The following CRIPT variants were observed in gnomAD, a reference collection of about 807,000 sequenced individuals.
CRIPT encodes cysteine-rich PDZ-binding protein.
A neutral mutation model predicts 16.6 loss-of-function variants in CRIPT; 20 were observed. The observed-to-expected ratio is 1.20, with a 90% CI of 0.85 to 1.75. CRIPT has a LOEUF of 1.75. CRIPT is among the 40% of genes most tolerant of loss of function. CRIPT has a pLI of 0.00. For synonymous variants in CRIPT, 42 were observed against 37.0 expected (o/e 1.14, Z -0.49); for missense variants, 133 against 115.3 (o/e 1.15, Z -0.70).
At chr2:46,617,363 A>T in intron 1 of CRIPT, 65 bp downstream of exon 1, 1 of 1,519,480 alleles carries the variant, frequency 6.6e-7, no homozygotes, top group Admixed American at 2.1e-5. Flanking sequence ...CTCTCCCGGG[A>T]ACTTTGCTTT....
In CRIPT at chr2:46,624,332, G is replaced by A. The variant is rs1670883245; in HGVS notation, c.*105G>A. Reference sequence around the variant, plus strand: ...GAATAACATGTTTTAAGATAATTAAGTTTAAACCAGAGAATTTGATTGTTA... The same window carrying A: ...GAATAACATGTTTTAAGATAATTAAATTTAAACCAGAGAATTTGATTGTTA... On this transcript the variant is annotated 3_prime_UTR_variant, in exon 5 of 5. Coordinates refer to ENST00000238892, the MANE Select transcript of CRIPT (RefSeq NM_014171.6). 1 of 648,784 alleles carries A rather than the reference G, an allele frequency of 1.5e-6. No individual in the cohort carries two copies. The highest frequency in any genetic ancestry group is 2.4e-6 in the Non-Finnish European group (1 of 417,508). The allele number at this position is 648,784 out of a possible 1,614,324, so 40.2% of individuals were successfully genotyped here.
intron 3 of CRIPT, among the ~76,000 whole-genome samples, chr2:46,620,572 C>T (rs1670776702): frequency 6.6e-6 from 1 of 151,884 alleles, no homozygotes; most frequent in Admixed American, 6.6e-5. Flanking sequence ...TTCCCTCCTT[C>T]AGCCACTCTA....
Position 46,629,199 on chromosome 2 carries a change from C to T in CRIPT, c.*4972C>T, listed in dbSNP as rs1350787388. Among the ~76,000 whole-genome samples the T allele has an allele frequency of 6.6e-6, 1 of 152,166 alleles. No individual in the cohort carries two copies. ...AGGGTAGAGACTTAACTCTTTACATCCTTATGGCAGCCTTCGAATACCTTT... is the reference window on the plus strand; with the variant it reads ...AGGGTAGAGACTTAACTCTTTACATTCTTATGGCAGCCTTCGAATACCTTT... On this transcript the variant is annotated 3_prime_UTR_variant, in exon 5 of 5. Coordinates refer to ENST00000238892, the MANE Select transcript of CRIPT (RefSeq NM_014171.6).
In CRIPT at chr2:46,623,854, T is replaced by C. The variant is rs1572796205; in HGVS notation, c.228T>C (p.Cys76=). 1 of 1,602,184 alleles carries C rather than the reference T, an allele frequency of 6.2e-7. No homozygotes were observed. The highest frequency in any genetic ancestry group is 1.3e-5 in the African/African-American group (1 of 74,338). The change falls in exon 4 of 5, where the codon TGT becomes TGC. Residue 76 remains cysteine, a synonymous_variant. Coordinates refer to ENST00000238892, the MANE Select transcript of CRIPT (RefSeq NM_014171.6). ...CAGGTTCTCATTACTGCCAGGGCTG[T>C]GCCTACAAAAAAGGTAAGTTTCTTT... ...HQPGSHYCQG[C]AYKKGICAMC... is the part of the protein sequence containing the mutation.
rs540111256 is a variant in CRIPT at position 46,627,697 on chromosome 2, A to G, written c.*3470A>G. 3.8e-4 allele frequency among the ~76,000 whole-genome samples: 58 copies of G among 152,194 alleles called. No individual in the cohort carries two copies. The highest frequency in any genetic ancestry group is 1.3e-3 in the African/African-American group (54 of 41,520). ...GAGCCTCAAGTGATCCACCCACCTC[A>G]GTCTCCCAAAGTGCTGGGATTACAG... On this transcript the variant is annotated 3_prime_UTR_variant, in exon 5 of 5. Transcript: ENST00000238892.
chr2:46,621,623 T>C, intron 3 of CRIPT, among the ~76,000 whole-genome samples: 1 of 152,254 alleles, frequency 6.6e-6, no homozygotes, highest in East Asian at 1.9e-4. Flanking sequence ...GCAAGGGCTT[T>C]GCCTATCATG....
In CRIPT at chr2:46,629,743, G is replaced by C. The variant is rs920875143; in HGVS notation, c.*5516G>C. Among the ~76,000 whole-genome samples, 6 of 152,096 alleles carry C rather than the reference G, an allele frequency of 3.9e-5. No homozygotes were observed. The highest frequency in any genetic ancestry group is 8.8e-5 in the Non-Finnish European group (6 of 68,016). ...TGGTGATGCTAATTTTGATCACTTG[G>C]GTAAGATGTCCAGTTTCTCCAGTGT... On this transcript the variant is annotated 3_prime_UTR_variant, in exon 5 of 5. Transcript: ENST00000238892.
In CRIPT at chr2:46,617,281, G is replaced by A; in HGVS notation, c.-2G>A. On this transcript the variant is annotated 5_prime_UTR_variant, in exon 1 of 5. Transcript: ENST00000238892. ...CGGCTAGGGGAACCGTCGTGGGGAA[G>A]GATGGTGTGCGAAAAATGTGAGTTA... 6.4e-7 allele frequency: 1 copy of A among 1,555,094 alleles called. No individual in the cohort carries two copies. Among genetic ancestry groups the A allele is most frequent in the Middle Eastern group, 1.7e-4 (1 of 5,962 alleles).
Position 46,629,992 on chromosome 2 carries a change from A to G in CRIPT, c.*5765A>G, listed in dbSNP as rs1671031732. Reference sequence around the variant, plus strand: ...TAGTCATCATTCTACTGTAAGGAAGAGGTTTCCCTTTATCATCAACTTCGA... The same window carrying G: ...TAGTCATCATTCTACTGTAAGGAAGGGGTTTCCCTTTATCATCAACTTCGA... On this transcript the variant is annotated 3_prime_UTR_variant, in exon 5 of 5. Coordinates refer to ENST00000238892, the MANE Select transcript of CRIPT (RefSeq NM_014171.6). 6.6e-6 allele frequency among the ~76,000 whole-genome samples: 1 copy of G among 152,146 alleles called. No individual in the cohort carries two copies. The highest frequency in any genetic ancestry group is 2.1e-4 in the South Asian group (1 of 4,828).
At chr2:46,623,601 G>T (rs1395380073) in intron 3 of CRIPT, among the ~76,000 whole-genome samples, 163 bp from the exon 4 acceptor site, 1 of 152,160 alleles carries the variant, frequency 6.6e-6, no homozygotes, top group Non-Finnish European at 1.5e-5. Context: ...AGATGTACAG[G>T]CATATCAGAC....
intron 3 of CRIPT, among the ~76,000 whole-genome samples, chr2:46,622,966 G>A (rs1012923006): frequency 6.6e-6 from 1 of 151,826 alleles, no homozygotes; most frequent in Non-Finnish European, 1.5e-5. Flanking sequence ...AAAAATGTTA[G>A]GGAAGCACAT....
chr2:46,625,924 T>G lies in CRIPT; in HGVS notation c.*1697T>G, dbSNP rs146975551. On this transcript the variant is annotated 3_prime_UTR_variant, in exon 5 of 5. Coordinates refer to ENST00000238892, the MANE Select transcript of CRIPT (RefSeq NM_014171.6). ...CTTGCCTAACTCACATTTCATTTTTTTTGTTGTTGTTGTTGTTTTTATAAT... is the reference window on the plus strand; with the variant it reads ...CTTGCCTAACTCACATTTCATTTTTGTTGTTGTTGTTGTTGTTTTTATAAT... Among the ~76,000 whole-genome samples the G allele has an allele frequency of 1.1e-3, 173 of 152,276 alleles. No homozygotes were observed. Among genetic ancestry groups the G allele is most frequent in the Middle Eastern group, 3.4e-3 (1 of 294 alleles).
In CRIPT at chr2:46,624,281, T is replaced by A; in HGVS notation, c.*54T>A. ...AATGATTTTACTTTCTGCCTTGAAT[T>A]TTCAAGGCATAGATGTCAACTTACA... On this transcript the variant is annotated 3_prime_UTR_variant, in exon 5 of 5. Coordinates refer to ENST00000238892, the MANE Select transcript of CRIPT (RefSeq NM_014171.6). 8.5e-7 allele frequency: 1 copy of A among 1,179,026 alleles called. No individual in the cohort carries two copies. The highest frequency in any genetic ancestry group is 1.2e-6 in the Non-Finnish European group (1 of 829,768). The allele number at this position is 1,179,026 out of a possible 1,614,324, so 73.0% of individuals were successfully genotyped here. A position where few individuals can be genotyped will look rare whatever the true frequency, so the allele number is the denominator to read the frequency against.
In CRIPT at chr2:46,627,635, G is replaced by A. The variant is rs986446796; in HGVS notation, c.*3408G>A. Among the ~76,000 whole-genome samples, 2 of 151,928 alleles carry A rather than the reference G, an allele frequency of 1.3e-5. No homozygotes were observed. The highest frequency in any genetic ancestry group is 2.4e-5 in the African/African-American group (1 of 41,342). On this transcript the variant is annotated 3_prime_UTR_variant, in exon 5 of 5. Coordinates refer to ENST00000238892, the MANE Select transcript of CRIPT (RefSeq NM_014171.6). ...AATTTTTCTATTTTTAGTAGGAATG[G>A]GGTTTTACCATGTTGGCCAGGCTGG...
Position 46,617,239 on chromosome 2 carries a change from T to G in CRIPT, c.-44T>G. 6.4e-7 allele frequency: 1 copy of G among 1,551,194 alleles called. No homozygotes were observed. Among genetic ancestry groups the G allele is most frequent in the Non-Finnish European group, 8.7e-7 (1 of 1,146,180 alleles). On this transcript the variant is annotated 5_prime_UTR_variant, in exon 1 of 5. Transcript: ENST00000238892. ...TGTAGTGTTGTTGTTTTCAGCCTGC[T>G]GCTGCTGCTGCTGTTGCGGCTAGGG...
intron 3 of CRIPT, 56 bp from the exon 4 acceptor site, chr2:46,623,704 GTTAT>G: frequency 1.1e-6 from 1 of 903,714 alleles, no homozygotes; most frequent in Non-Finnish European, 1.8e-6. Flanking sequence ...CGTAAGTGGG[GTTAT>G]TTAAGAGTGT....
In CRIPT at chr2:46,628,083, T is replaced by C. The variant is rs1670984790; in HGVS notation, c.*3856T>C. On this transcript the variant is annotated 3_prime_UTR_variant, in exon 5 of 5. Coordinates refer to ENST00000238892, the MANE Select transcript of CRIPT (RefSeq NM_014171.6). The stretch of plus-strand genomic sequence containing the variant: ...TATTTGCTTAGGATTGATTTTTTGG[T>C]TCCATATGAATTTTAGAATGGATTT... Among the ~76,000 whole-genome samples, 1 of 151,960 alleles carries C rather than the reference T, an allele frequency of 6.6e-6. No homozygotes were observed. The highest frequency in any genetic ancestry group is 1.5e-5 in the Non-Finnish European group (1 of 67,982).
In CRIPT at chr2:46,619,321, T is replaced by C. The variant is rs971631627; in HGVS notation, c.83-306T>C. Among the ~76,000 whole-genome samples the C allele has an allele frequency of 2.0e-5, 3 of 152,128 alleles. No homozygotes were observed. The East Asian group carries it at 5.8e-4, about 29-fold the overall frequency. ...TGGGTAGAAAAATAAACATTTTCAT[T>C]ATATTCAAGGTCTATGACACTGATA... On this transcript the variant is annotated intron_variant, in intron 2 of 4. Coordinates refer to ENST00000238892, the MANE Select transcript of CRIPT (RefSeq NM_014171.6).
At chr2:46,621,702 A>C (rs1039504141) in intron 3 of CRIPT, among the ~76,000 whole-genome samples, 1 of 152,252 alleles carries the variant, frequency 6.6e-6, no homozygotes, top group Non-Finnish European at 1.5e-5. Context: ...TTGCTGAATG[A>C]ATAAATACCT....
Sources: allele counts gnomAD v4.1 joint callset (sites outside exome capture counted in the v4.1 genomes callset), GRCh38; gene constraint gnomAD v4.1.1; transcripts MANE v1.5; gene names NCBI Gene and HGNC (gene_info 2026-07-23, HGNC 2026-07-21).